The following MYH15 variants were observed in gnomAD, a reference collection of about 807,000 sequenced individuals.
MYH15 encodes the protein myosin-15.
In MYH15, 227 loss-of-function variants were observed where a neutral mutation model predicts 240.5. The observed-to-expected ratio is 0.94, with a 90% CI of 0.85 to 1.05. The LOEUF (loss-of-function observed/expected upper bound fraction) is 1.05. Ranked by LOEUF, MYH15 falls within the 50% of genes least tolerant of loss-of-function variation. MYH15 has a pLI of 0.00. For synonymous variants in MYH15, 785 were observed against 796.7 expected (o/e 0.99, Z 0.25); for missense variants, 2,217 against 2,247.5 (o/e 0.99, Z 0.27).
chr3:108,398,417 C>T (rs1174469211), intron 35 of MYH15, among the ~76,000 whole-genome samples: 3 of 152,244 alleles, frequency 2.0e-5, no homozygotes, highest in African/African-American at 7.2e-5. Flanking sequence ...AGAAAATAAA[C>T]TTCCGTTGCT....
chr3:108,405,277 C>T, intron 33 of MYH15, 61 bp downstream of exon 33: 4 of 967,592 alleles, frequency 4.1e-6, no homozygotes, highest in Non-Finnish European at 4.4e-6. Context: ...ACATAATGAG[C>T]TCTGTTTAGT....
intron 19 of MYH15, 89 bp from the exon 20 acceptor site, chr3:108,455,948 A>ATAGATTTT: frequency 7.8e-7 from 1 of 1,281,322 alleles, no homozygotes; most frequent in Non-Finnish European, 1.1e-6. Context: ...GAAAGGAGAC[A>ATAGATTTT]TAGATTTTTA....
At chr3:108,538,042 T>C in the MYH15 span, among the ~76,000 whole-genome samples, 1 of 152,164 alleles carries the variant, frequency 6.6e-6, no homozygotes, top group Non-Finnish European at 1.5e-5. Flanking sequence ...AAGGCCTGGG[T>C]CCATTAGCAG....
the MYH15 span, among the ~76,000 whole-genome samples, chr3:108,539,805 C>T: frequency 6.6e-6 from 1 of 152,080 alleles, no homozygotes. Context: ...AGTTTCCTGG[C>T]TGTACCCTTT....
intron 32 of MYH15, 54 bp downstream of exon 32, chr3:108,408,226 C>A: frequency 1.3e-6 from 2 of 1,565,602 alleles, no homozygotes; most frequent in Non-Finnish European, 8.6e-7. Context: ...TTGCTGAATG[C>A]AGATCTTCTG....
At chr3:108,545,207 G>A in the MYH15 span, among the ~76,000 whole-genome samples, 3 of 152,090 alleles carry the variant, frequency 2.0e-5, no homozygotes, top group Non-Finnish European at 4.4e-5. Flanking sequence ...ACCCAGACTA[G>A]TCTAGTCAAT....
the MYH15 span, chr3:108,543,504 G>C: frequency 6.6e-6 from 1 of 152,372 alleles, no homozygotes. Context: ...GGCTTCCTGG[G>C]GAAGCGGATG....
intron 21 of MYH15, among the ~76,000 whole-genome samples, chr3:108,448,411 T>A (rs1329664192): frequency 6.6e-6 from 1 of 152,006 alleles, no homozygotes; most frequent in Non-Finnish European, 1.5e-5. Context: ...TGGAAAAAGG[T>A]ATTCTATGCA....
upstream of MYH15, among the ~76,000 whole-genome samples, chr3:108,515,450 G>A (rs2083554193): frequency 1.3e-5 from 2 of 152,180 alleles, no homozygotes; most frequent in Admixed American, 6.5e-5. Flanking sequence ...AGTACCTCCT[G>A]AGACCTATAT....
intron 38 of MYH15, among the ~76,000 whole-genome samples, chr3:108,386,075 T>C (rs2082382039): frequency 6.6e-6 from 1 of 152,250 alleles, no homozygotes; most frequent in Non-Finnish European, 1.5e-5. Context: ...TGCCTATCCC[T>C]CAACTTGTCA....
chr3:108,473,838 G>A (rs1306459031), intron 12 of MYH15, among the ~76,000 whole-genome samples: 1 of 152,152 alleles, frequency 6.6e-6, no homozygotes, highest in Non-Finnish European at 1.5e-5. Flanking sequence ...CTCAAAGGAG[G>A]AATGCATTTA....
chr3:108,513,346 C>T (rs2083535365), upstream of MYH15, among the ~76,000 whole-genome samples: 1 of 152,082 alleles, frequency 6.6e-6, no homozygotes, highest in South Asian at 2.1e-4. Flanking sequence ...GTATCTGATA[C>T]TGCATATATT....
intron 15 of MYH15, 58 bp downstream of exon 15, chr3:108,464,580 G>T (rs1365977576): frequency 1.4e-6 from 2 of 1,474,764 alleles, no homozygotes; most frequent in Non-Finnish European, 1.8e-6. Context: ...GACTTTGGCT[G>T]AGCGCATTTG....
chr3:108,398,777 C>G lies in MYH15; in HGVS notation c.4993G>C (p.Val1665Leu), dbSNP rs1165414478. 1 of 1,613,972 alleles carries G rather than the reference C, an allele frequency of 6.2e-7. No homozygotes were observed. The highest frequency in any genetic ancestry group is 8.5e-7 in the Non-Finnish European group (1 of 1,179,994). The change falls in exon 35 of 41, where the codon GTG (valine) becomes CTG (leucine). Residue 1665 changes from valine (V) to leucine (L), a missense_variant. By Grantham distance (32) the Val-to-Leu change is conservative. Transcript: ENST00000693548. Reference protein sequence around the residue: ...LNSDLKEQVAVAERRNSLLQS... With the variant: ...LNSDLKEQVALAERRNSLLQS... ...AGAAGAGAGTTGCGCCGCTCAGCCACAGCCACCTGCTCCTTCAGATCACTG... is the reference window on the plus strand; with the variant it reads ...AGAAGAGAGTTGCGCCGCTCAGCCAGAGCCACCTGCTCCTTCAGATCACTG...
intron 1 of MYH15, among the ~76,000 whole-genome samples, chr3:108,520,604 C>A (rs570665161): frequency 1.1e-4 from 17 of 152,144 alleles, no homozygotes; most frequent in Non-Finnish European, 2.5e-4. Flanking sequence ...GATCCCATTT[C>A]TATAACCAAA....
At position 108,421,076 on chromosome 3, in the gene MYH15, A is replaced by G. The variant is rs757274425; in HGVS notation, c.3829+12T>C. ...GAGAATTGCCTATGAGTCAAGCAGC[A>G]TACTTACTTACCACTCTCACTCCAC... On this transcript the variant is annotated intron_variant, in intron 28 of 40. Coordinates refer to ENST00000693548, the MANE Select transcript of MYH15 (RefSeq NM_014981.3). The G allele has an allele frequency of 8.1e-6, 13 of 1,613,754 alleles. No individual in the cohort carries two copies. The South Asian group carries it at 1.1e-4, about 14-fold the overall frequency.
rs768209260 is a variant in MYH15 at position 108,463,201 on chromosome 3, G to A, written c.1774C>T (p.Leu592Phe). The change falls in exon 16 of 41, where the codon CTC (leucine) becomes TTC (phenylalanine). Residue 592 changes from leucine to phenylalanine, a missense_variant. Transcript: ENST00000693548. The part of the protein sequence containing the change: ...ISGWLEKNKD[L>F]LNETVVAVFQ... ...ACAGCTACCACTGTTTCATTAAGGAGGTCTTTGTTCTTTTCCAGCCAACCA... is the reference window on the plus strand; with the variant it reads ...ACAGCTACCACTGTTTCATTAAGGAAGTCTTTGTTCTTTTCCAGCCAACCA... 26 of 1,612,936 alleles carry A rather than the reference G, an allele frequency of 1.6e-5. No homozygotes were observed. Among genetic ancestry groups the A allele is most frequent in the Non-Finnish European group, 2.2e-5 (26 of 1,179,558 alleles).
chr3:108,411,285 C>T (rs1233957434), intron 30 of MYH15, among the ~76,000 whole-genome samples: 2 of 152,162 alleles, frequency 1.3e-5, no homozygotes, highest in African/African-American at 2.4e-5. Flanking sequence ...TTGTACTGAA[C>T]ACCCTACCAA....
chr3:108,470,560 C>T, intron 13 of MYH15, 138 bp downstream of exon 13: 1 of 714,478 alleles, frequency 1.4e-6, no homozygotes, highest in Non-Finnish European at 2.2e-6. Context: ...TTAATTATAG[C>T]TCTTTTCCAA....
Sources: gnomAD v4.1 joint callset for allele counts (sites outside exome capture counted in the v4.1 genomes callset) on GRCh38, gnomAD v4.1.1 for gene constraint, MANE v1.5 for transcripts, NCBI Gene and HGNC (gene_info 2026-07-23, HGNC 2026-07-21) for gene names.